TFB2M: variants seen among roughly 807,000 people sequenced by gnomAD.
The protein encoded by TFB2M is dimethyladenosine transferase 2, mitochondrial.
A neutral mutation model predicts 41.3 loss-of-function variants in TFB2M; 44 were observed. The observed-to-expected ratio is 1.07, with a 90% CI of 0.84 to 1.37. The LOEUF (loss-of-function observed/expected upper bound fraction) is 1.37, where lower values mean the gene tolerates loss of function less well. Among genes scored for constraint, TFB2M ranks in the 40% most tolerant of loss-of-function variants. The pLI is 0.00. For missense variants in TFB2M, 496 were observed against 490.2 expected (o/e 1.01, Z -0.11); for synonymous variants, 188 against 176.8 (o/e 1.06, Z -0.50).
intron 2 of TFB2M, among the ~76,000 whole-genome samples, chr1:246,563,319 A>G (rs559381770): frequency 6.6e-6 from 1 of 151,934 alleles, no homozygotes; most frequent in South Asian, 2.1e-4. Flanking sequence ...ATTCGGAGTC[A>G]GGAGCTAGGC....
In TFB2M at chr1:246,540,784, A is replaced by T. The variant is rs1658832030; in HGVS notation, c.*247T>A. On this transcript the variant is annotated 3_prime_UTR_variant, in exon 8 of 8. Coordinates refer to ENST00000366514, the MANE Select transcript of TFB2M (RefSeq NM_022366.3). Reference sequence around the variant, plus strand: ...AAATATTTAAATAGGAATCTGAAACAAAACGAATTCAATCTGATCAAATCC... The same window carrying T: ...AAATATTTAAATAGGAATCTGAAACTAAACGAATTCAATCTGATCAAATCC... 5.5e-6 allele frequency: 2 copies of T among 364,068 alleles called. No individual in the cohort carries two copies. The highest frequency in any genetic ancestry group is 1.4e-4 in the South Asian group (2 of 14,724). 22.6% of individuals were successfully genotyped at this position (364,068 alleles called of 1,614,324 possible). A position where few individuals can be genotyped will look rare whatever the true frequency, so the allele number is the denominator to read the frequency against.
chr1:246,547,349 GTATAT>G (rs1659049367), intron 6 of TFB2M, among the ~76,000 whole-genome samples: 1 of 152,138 alleles, frequency 6.6e-6, no homozygotes, highest in African/African-American at 2.4e-5. Flanking sequence ...AACTGAGAAA[GTATAT>G]TATATACAGG....
intron 2 of TFB2M, among the ~76,000 whole-genome samples, chr1:246,564,036 G>A (rs934855792): frequency 6.6e-6 from 1 of 152,226 alleles, no homozygotes; most frequent in Non-Finnish European, 1.5e-5. Flanking sequence ...GAAGAAAGGA[G>A]CACAGCGCAG....
Position 246,541,173 on chromosome 1 carries a change from A to T in TFB2M, c.1049T>A (p.Ile350Lys), listed in dbSNP as rs775166754. 1 of 1,613,942 alleles carries T rather than the reference A, an allele frequency of 6.2e-7. No individual in the cohort carries two copies. The highest frequency in any genetic ancestry group is 8.5e-7 in the Non-Finnish European group (1 of 1,179,988). The change falls in exon 8 of 8, where the codon ATA (isoleucine) becomes AAA (lysine). Residue 350 changes from isoleucine (I) to lysine (K), a missense_variant. By Grantham distance (102) the Ile-to-Lys change is moderately radical. Coordinates refer to ENST00000366514, the MANE Select transcript of TFB2M (RefSeq NM_022366.3). ...CTCCTGTTTTCCTATTTGCATCAAT[A>T]TATCTCTCGCATCAAGTGGAGTCAA... Reference protein sequence around the residue: ...RSLTPLDARDILMQIGKQEDE... With the variant: ...RSLTPLDARDKLMQIGKQEDE...
intron 6 of TFB2M, among the ~76,000 whole-genome samples, chr1:246,545,632 G>T (rs1658999762): frequency 6.6e-6 from 1 of 151,832 alleles, no homozygotes. Flanking sequence ...GGACAACATG[G>T]CGAAACCCTG....
chr1:246,542,489 T>C (rs925366886), intron 7 of TFB2M, among the ~76,000 whole-genome samples: 2 of 151,954 alleles, frequency 1.3e-5, no homozygotes, highest in South Asian at 2.1e-4. Flanking sequence ...CTGAGCAACA[T>C]AGTGAGACCC....
At position 246,544,589 on chromosome 1, in the gene TFB2M, A is replaced by G. The variant is rs766358386; in HGVS notation, c.951T>C (p.Tyr317=). Residue 317 remains tyrosine, a synonymous_variant, in exon 7 of 8, where the codon TAT becomes TAC. Coordinates refer to ENST00000366514, the MANE Select transcript of TFB2M (RefSeq NM_022366.3). ...GCTTTAACAAGTGAAAAAATATATT[A>G]TAGTTCATAGGTGTTAAGTTCTTGG... The part of the protein sequence containing the change: ...LFTKNLTPMN[Y]NIFFHLLKHC... The G allele has an allele frequency of 2.8e-5, 45 of 1,611,838 alleles. No individual in the cohort carries two copies. The highest frequency in any genetic ancestry group is 3.7e-5 in the Non-Finnish European group (44 of 1,179,424).
chr1:246,546,983 ATTTT>A (rs74163461), intron 6 of TFB2M, among the ~76,000 whole-genome samples: 5 of 127,176 alleles, frequency 3.9e-5, no homozygotes, highest in Non-Finnish European at 5.0e-5. Flanking sequence ...ACACACACAC[ATTTT>A]TTTTTTTTTT....
chr1:246,556,491 A>G lies in TFB2M; in HGVS notation c.705+82T>C, dbSNP rs1437964347. On this transcript the variant is annotated intron_variant, in intron 4 of 7. Coordinates refer to ENST00000366514, the MANE Select transcript of TFB2M (RefSeq NM_022366.3). ...TAGACCCTCAAATGTCACGAGCCCT[A>G]AATTAAAATCGCACAGATTAAGAGT... is the stretch of plus-strand genomic sequence containing the variant. 5.6e-6 allele frequency: 6 copies of G among 1,064,472 alleles called. No individual in the cohort carries two copies. In the African/African-American group the frequency reaches 9.9e-5, roughly 17 times the overall value. The allele number at this position is 1,064,472 out of a possible 1,614,324, so 65.9% of individuals were successfully genotyped here. A position where few individuals can be genotyped will look rare whatever the true frequency, so the allele number is the denominator to read the frequency against.
chr1:246,552,247 T>C (rs55733284), intron 4 of TFB2M, among the ~76,000 whole-genome samples: 4,408 of 151,890 alleles, frequency 0.029, 83 homozygotes, highest in East Asian at 0.057. Context: ...TGAAAAGCCA[T>C]AGCACTCCAG....
At chr1:246,555,550 C>A (rs1194349797) in intron 4 of TFB2M, among the ~76,000 whole-genome samples, 2 of 151,914 alleles carry the variant, frequency 1.3e-5, no homozygotes, top group Non-Finnish European at 2.9e-5. Context: ...CCAGCCTGGG[C>A]AACAGGGCAA....
At chr1:246,547,097 C>A (rs1659044135) in intron 6 of TFB2M, among the ~76,000 whole-genome samples, 1 of 151,922 alleles carries the variant, frequency 6.6e-6, no homozygotes, top group Non-Finnish European at 1.5e-5. Context: ...GATTCTCCCA[C>A]CTCAGCCTCC....
At chr1:246,554,378 C>T (rs954069715) in intron 4 of TFB2M, among the ~76,000 whole-genome samples, 3 of 152,126 alleles carry the variant, frequency 2.0e-5, no homozygotes, top group Non-Finnish European at 2.9e-5. Flanking sequence ...GGTGAACAGG[C>T]GAGGCGTCAT....
At chr1:246,559,952 A>G (rs1216433779) in intron 2 of TFB2M, among the ~76,000 whole-genome samples, 1 of 152,214 alleles carries the variant, frequency 6.6e-6, no homozygotes, top group Non-Finnish European at 1.5e-5. Flanking sequence ...TACCTACCTA[A>G]TGCATACGAT....
intron 2 of TFB2M, among the ~76,000 whole-genome samples, chr1:246,558,813 A>G (rs1203920792): frequency 1.3e-5 from 2 of 152,198 alleles, no homozygotes; most frequent in African/African-American, 4.8e-5. Flanking sequence ...GAGGTCTAAT[A>G]TATCTCAGTC....
chr1:246,553,522 G>T (rs1250881225), intron 4 of TFB2M, among the ~76,000 whole-genome samples: 1 of 152,128 alleles, frequency 6.6e-6, no homozygotes, highest in Non-Finnish European at 1.5e-5. Context: ...ACAATAATCA[G>T]CCAGGCACGG....
chr1:246,543,728 A>G (rs145856305), intron 7 of TFB2M, among the ~76,000 whole-genome samples: 2,067 of 152,270 alleles, frequency 0.014, 20 homozygotes, highest in Middle Eastern at 0.024. Flanking sequence ...GAGGCCAGGA[A>G]TTTGAGACCA....
chr1:246,556,773 C>A, intron 3 of TFB2M, 52 bp from the exon 4 acceptor site: 1 of 1,444,870 alleles, frequency 6.9e-7, no homozygotes, highest in Non-Finnish European at 9.2e-7. Context: ...GCATTTTGTC[C>A]TATGTCCATA....
chr1:246,542,113 A>G (rs1658873903), intron 7 of TFB2M, among the ~76,000 whole-genome samples: 1 of 152,108 alleles, frequency 6.6e-6, no homozygotes, highest in Non-Finnish European at 1.5e-5. Context: ...CTGTAACACA[A>G]TGGTAAGTAA....
Sources: allele counts gnomAD v4.1 joint callset (sites outside exome capture counted in the v4.1 genomes callset), GRCh38; gene constraint gnomAD v4.1.1; transcripts MANE v1.5; gene names NCBI Gene and HGNC (gene_info 2026-07-23, HGNC 2026-07-21).